Variants in SUCLG2 observed in about 807,000 individuals in gnomAD.
The protein encoded by SUCLG2 is succinate-CoA ligase GDP-forming subunit beta, also known as succinate--CoA ligase [GDP-forming] subunit beta, mitochondrial.
SUCLG2 carries 42 observed loss-of-function variants against 47.9 expected under a neutral mutation model. That is an observed-to-expected ratio of 0.88 (90% confidence interval 0.69 to 1.14). The LOEUF (loss-of-function observed/expected upper bound fraction) is 1.14, where lower values mean the gene tolerates loss of function less well. SUCLG2 is among the 50% of genes most tolerant of loss of function. The pLI, the probability that SUCLG2 is intolerant of heterozygous loss-of-function variation, is 0.00. For synonymous variants in SUCLG2, 195 were observed against 197.3 expected (o/e 0.99, Z 0.10); for missense variants, 571 against 525.9 (o/e 1.09, Z -0.84).
intron 9 of SUCLG2, among the ~76,000 whole-genome samples, chr3:67,467,394 C>T (rs997025097): frequency 6.6e-6 from 1 of 152,220 alleles, no homozygotes; most frequent in African/African-American, 2.4e-5. Flanking sequence ...CCTGCTTAAT[C>T]TCTAGAGAGA....
In SUCLG2 at chr3:67,629,505, G is replaced by C. The variant is rs188504339; in HGVS notation, c.85-19909C>G. ...GCAATAGAACATGATATGGGGGAGG[G>C]GGGGGCGCCCATATGTGTTCACCAA... is the stretch of plus-strand genomic sequence containing the variant. On this transcript the variant is annotated intron_variant, in intron 1 of 10. Coordinates refer to ENST00000307227, the MANE Select transcript of SUCLG2 (RefSeq NM_003848.4). Among the ~76,000 whole-genome samples the C allele has an allele frequency of 6.6e-3, 1,001 of 152,238 alleles. 10 individuals are homozygous for C. The highest frequency in any genetic ancestry group is 0.017 in the Middle Eastern group (5 of 294).
chr3:67,520,211 T>G (rs1007425405), intron 5 of SUCLG2, among the ~76,000 whole-genome samples: 3 of 152,096 alleles, frequency 2.0e-5, no homozygotes, highest in Non-Finnish European at 4.4e-5. Context: ...TGAGGAAGAT[T>G]GGATGGAAAG....
At chr3:67,526,897 T>C (rs1706270738) in intron 4 of SUCLG2, among the ~76,000 whole-genome samples, 1 of 152,226 alleles carries the variant, frequency 6.6e-6, no homozygotes, top group Non-Finnish European at 1.5e-5. Context: ...AGAGTGGCTT[T>C]ATTTGTAATA....
chr3:67,442,436 C>G (rs1385588765), intron 9 of SUCLG2, among the ~76,000 whole-genome samples: 1 of 152,176 alleles, frequency 6.6e-6, no homozygotes, highest in Non-Finnish European at 1.5e-5. Flanking sequence ...GTCCCCACCC[C>G]GGGCTACTAA....
At chr3:67,532,504 A>G (rs562735161) in intron 2 of SUCLG2, among the ~76,000 whole-genome samples, 1 of 152,334 alleles carries the variant, frequency 6.6e-6, no homozygotes, top group Non-Finnish European at 1.5e-5. Context: ...TTGGGTCTGG[A>G]TAACTCCAAA....
rs140907688 is a variant in SUCLG2, at chr3:67,653,015, C to A, written c.84+1488G>T. Among the ~76,000 whole-genome samples the A allele has an allele frequency of 4.2e-3, 646 of 152,330 alleles. 2 individuals are homozygous for A. The highest frequency in any genetic ancestry group is 0.014 in the African/African-American group (590 of 41,580). On this transcript the variant is annotated intron_variant, in intron 1 of 10. Transcript: ENST00000307227. Reference sequence around the variant, plus strand: ...AGATCTTTTTACCCAGTTTTCTTGACAAACCAAGAGTATCTCTCCCCAACC... The same window carrying A: ...AGATCTTTTTACCCAGTTTTCTTGAAAAACCAAGAGTATCTCTCCCCAACC...
At chr3:67,484,395 A>G (rs1704998848) in intron 9 of SUCLG2, among the ~76,000 whole-genome samples, 1 of 152,272 alleles carries the variant, frequency 6.6e-6, no homozygotes, top group Non-Finnish European at 1.5e-5. Context: ...ATATTCAGCT[A>G]GATGACTTAT....
chr3:67,378,040 C>A (rs565928452), intron 10 of SUCLG2, among the ~76,000 whole-genome samples: 7 of 152,184 alleles, frequency 4.6e-5, no homozygotes, highest in African/African-American at 1.4e-4. Context: ...CACTCACCCT[C>A]TTAGACCTTA....
intron 9 of SUCLG2, among the ~76,000 whole-genome samples, chr3:67,431,131 T>C (rs1422483153): frequency 6.6e-6 from 1 of 151,936 alleles, no homozygotes; most frequent in African/African-American, 2.4e-5. Context: ...TACCAAAGCC[T>C]GGCAGAGACA....
intron 6 of SUCLG2, among the ~76,000 whole-genome samples, chr3:67,515,755 T>A (rs1302036584): frequency 6.6e-6 from 1 of 152,138 alleles, no homozygotes; most frequent in African/African-American, 2.4e-5. Flanking sequence ...ACACTGGCCC[T>A]CTAGAGCATT....
At chr3:67,648,037 AG>A (rs1701221247) in intron 1 of SUCLG2, among the ~76,000 whole-genome samples, 1 of 152,262 alleles carries the variant, frequency 6.6e-6, no homozygotes, top group Non-Finnish European at 1.5e-5. Context: ...TCAGTGCAAG[AG>A]AAATAATCAT....
At chr3:67,525,152 C>T (rs1280225378) in intron 4 of SUCLG2, among the ~76,000 whole-genome samples, 7 of 152,092 alleles carry the variant, frequency 4.6e-5, no homozygotes, top group Admixed American at 2.0e-4. Flanking sequence ...GAAGGAGAGA[C>T]ATATCATACT....
intron 7 of SUCLG2, among the ~76,000 whole-genome samples, chr3:67,506,227 G>A (rs1705634322): frequency 6.6e-6 from 1 of 152,112 alleles, no homozygotes; most frequent in Non-Finnish European, 1.5e-5. Context: ...GATAGCTTGA[G>A]GGGACTGTGA....
rs1237047816 is a variant in SUCLG2, at chr3:67,375,638, C to T, written c.*106G>A. ...ATTTTTCAGTGATTCTTGCCTTCCC[C>T]CTCCCCTTTTCTTCCCCAATGAGAT... On this transcript the variant is annotated 3_prime_UTR_variant, in exon 11 of 11. Coordinates refer to ENST00000307227, the MANE Select transcript of SUCLG2 (RefSeq NM_003848.4). 5 of 1,453,272 alleles carry T rather than the reference C, an allele frequency of 3.4e-6. No individual in the cohort carries two copies. The African/African-American group carries it at 7.2e-5, about 21-fold the overall frequency. The allele number at this position is 1,453,272 out of a possible 1,614,324, so 90.0% of individuals were successfully genotyped here. A position where few individuals can be genotyped will look rare whatever the true frequency, so the allele number is the denominator to read the frequency against.
At chr3:67,583,893 C>T (rs1707943925) in intron 2 of SUCLG2, among the ~76,000 whole-genome samples, 1 of 152,198 alleles carries the variant, frequency 6.6e-6, no homozygotes, top group Admixed American at 6.5e-5. Flanking sequence ...TGTGATCATA[C>T]TGGGTCCATC....
chr3:67,449,759 G>A (rs1704010055), intron 9 of SUCLG2, among the ~76,000 whole-genome samples: 1 of 151,910 alleles, frequency 6.6e-6, no homozygotes, highest in African/African-American at 2.4e-5. Flanking sequence ...GACTACAGGT[G>A]TGTGCCACCA....
intron 1 of SUCLG2, among the ~76,000 whole-genome samples, chr3:67,613,338 C>A (rs1182243953): frequency 6.6e-6 from 1 of 152,154 alleles, no homozygotes; most frequent in East Asian, 1.9e-4. Flanking sequence ...TCAGATATCC[C>A]AAGGGTCTTA....
chr3:67,571,867 A>G (rs1376057383), intron 2 of SUCLG2, among the ~76,000 whole-genome samples: 1 of 152,236 alleles, frequency 6.6e-6, no homozygotes, highest in Non-Finnish European at 1.5e-5. Context: ...TTCTCTTACC[A>G]AGACCACATG....
intron 10 of SUCLG2, among the ~76,000 whole-genome samples, chr3:67,383,088 C>G (rs1385020703): frequency 6.6e-6 from 1 of 152,190 alleles, no homozygotes; most frequent in Non-Finnish European, 1.5e-5. Context: ...GTCAGCAGCT[C>G]TTATTTCTTT....
Sources: allele counts gnomAD v4.1 joint callset (sites outside exome capture counted in the v4.1 genomes callset), GRCh38; gene constraint gnomAD v4.1.1; transcripts MANE v1.5; gene names NCBI Gene and HGNC (gene_info 2026-07-23, HGNC 2026-07-21).